SEPTIN7: variants seen among roughly 807,000 people sequenced by gnomAD.
The protein encoded by SEPTIN7 is septin 7.
In SEPTIN7, 10 loss-of-function variants were observed where a neutral mutation model predicts 63.3. The ratio of observed to expected loss-of-function variants is 0.16; its 90% confidence interval spans 0.10 to 0.27. SEPTIN7 has a LOEUF of 0.27. Ranked by LOEUF, SEPTIN7 falls within the 10% of genes least tolerant of loss-of-function variation. SEPTIN7 has a pLI of 1.00. For synonymous variants in SEPTIN7, 131 were observed against 165.3 expected (o/e 0.79, Z 1.59); for missense variants, 310 against 521.0 (o/e 0.59, Z 3.94).
the SEPTIN7 span, among the ~76,000 whole-genome samples, chr7:35,912,273 C>T: frequency 6.6e-6 from 1 of 152,228 alleles, no homozygotes; most frequent in African/African-American, 2.4e-5. Flanking sequence ...ACCTGGCCTG[C>T]CCAGGGCAGA....
chr7:35,819,023 T>C (rs1433153387), intron 1 of SEPTIN7, among the ~76,000 whole-genome samples: 2 of 152,106 alleles, frequency 1.3e-5, no homozygotes, highest in South Asian at 2.1e-4. Flanking sequence ...GTTTATTCTT[T>C]TTCTAGTTTC....
At chr7:35,871,763 T>C (rs1283974698) in intron 4 of SEPTIN7, among the ~76,000 whole-genome samples, 1 of 152,214 alleles carries the variant, frequency 6.6e-6, no homozygotes, top group Non-Finnish European at 1.5e-5. Flanking sequence ...GGACTTGTTA[T>C]CCTTATTAAA....
At chr7:35,861,031 G>A (rs1276168606) in intron 3 of SEPTIN7, among the ~76,000 whole-genome samples, 1 of 151,892 alleles carries the variant, frequency 6.6e-6, no homozygotes, top group African/African-American at 2.4e-5. Flanking sequence ...TTTCTGCTCA[G>A]ATTTGATAAT....
Position 35,872,971 on chromosome 7 carries a change from G to A in SEPTIN7, c.377+205G>A, listed in dbSNP as rs1786246040. On this transcript the variant is annotated intron_variant, in intron 5 of 13. Coordinates refer to ENST00000350320, the MANE Select transcript of SEPTIN7 (RefSeq NM_001788.6). ...GAACCCATTTACTTTTCTATAAAAT[G>A]GAGATAATACCTATCATAAAATTGT... is the stretch of plus-strand genomic sequence containing the variant. Among the ~76,000 whole-genome samples, 5 of 152,104 alleles carry A rather than the reference G, an allele frequency of 3.3e-5. No homozygotes were observed. The South Asian group carries it at 1.0e-3, about 32-fold the overall frequency.
At chr7:35,847,113 G>T in intron 3 of SEPTIN7, 1 of 185,258 alleles carries the variant, frequency 5.4e-6, no homozygotes, top group South Asian at 1.3e-4. Context: ...CTGCAGCTGT[G>T]ACACATAGAA....
intron 3 of SEPTIN7, among the ~76,000 whole-genome samples, chr7:35,840,106 T>G (rs1054555477): frequency 6.6e-6 from 1 of 151,418 alleles, no homozygotes; most frequent in Non-Finnish European, 1.5e-5. Flanking sequence ...CTTTTCCTTT[T>G]TCTTTTTTTA....
chr7:35,865,857 T>G (rs1375254416), intron 4 of SEPTIN7, among the ~76,000 whole-genome samples: 1 of 152,236 alleles, frequency 6.6e-6, no homozygotes, highest in African/African-American at 2.4e-5. Context: ...TGCCCTCAAT[T>G]TATTAGAATT....
Position 35,807,220 on chromosome 7 carries a change from T to C in SEPTIN7, c.61+5950T>C, listed in dbSNP as rs1464575089. 2.6e-5 allele frequency among the ~76,000 whole-genome samples: 4 copies of C among 151,974 alleles called. No individual in the cohort carries two copies. The East Asian group carries it at 5.8e-4, about 22-fold the overall frequency. On this transcript the variant is annotated intron_variant, in intron 1 of 13. Transcript: ENST00000350320. ...TTTTTTTGAAACGGAGTTTCGCTCT[T>C]GTTGCCCAGGCTGGAGTGCAATGGC...
At chr7:35,816,645 A>G (rs1344042291) in intron 1 of SEPTIN7, among the ~76,000 whole-genome samples, 3 of 152,170 alleles carry the variant, frequency 2.0e-5, no homozygotes, top group Non-Finnish European at 4.4e-5. Context: ...TAACTCTATG[A>G]AGAACTGCCT....
intron 4 of SEPTIN7, among the ~76,000 whole-genome samples, chr7:35,864,973 T>C (rs1785724780): frequency 6.6e-6 from 1 of 152,134 alleles, no homozygotes; most frequent in Non-Finnish European, 1.5e-5. Context: ...AAAGGAGTAA[T>C]TTTGTGAAGT....
intron 1 of SEPTIN7, among the ~76,000 whole-genome samples, chr7:35,806,922 A>C (rs1023506273): frequency 1.3e-5 from 2 of 152,212 alleles, no homozygotes; most frequent in African/African-American, 4.8e-5. Context: ...TAGGCCTGGG[A>C]TGGGGCCCTG....
chr7:35,896,507 A>G (rs1787968918), intron 11 of SEPTIN7, among the ~76,000 whole-genome samples: 1 of 152,182 alleles, frequency 6.6e-6, no homozygotes, highest in Non-Finnish European at 1.5e-5. Flanking sequence ...CACATTTGGT[A>G]TGCTGTTTCA....
Position 35,815,182 on chromosome 7 carries a change from C to T in SEPTIN7, c.61+13912C>T, listed in dbSNP as rs748062851. ...ACTTTCTAGTTCATCTTGTATTTTT[C>T]GTGCCTAAGCCTTGGAATCAACCAT... is the stretch of plus-strand genomic sequence containing the variant. On this transcript the variant is annotated intron_variant, in intron 1 of 13. Transcript: ENST00000350320. 8 of 443,498 alleles carry T rather than the reference C, an allele frequency of 1.8e-5. No individual in the cohort carries two copies. The East Asian group carries it at 3.7e-4, about 21-fold the overall frequency. 27.5% of individuals were successfully genotyped at this position (443,498 alleles called of 1,614,324 possible).
At chr7:35,801,442 G>C (rs1348735752) in intron 1 of SEPTIN7, among the ~76,000 whole-genome samples, 172 bp downstream of exon 1, 1 of 151,908 alleles carries the variant, frequency 6.6e-6, no homozygotes, top group Non-Finnish European at 1.5e-5. Flanking sequence ...GCGGGCTCGG[G>C]GGGAGGGGAG....
Position 35,891,291 on chromosome 7 carries a change from C to T in SEPTIN7, c.998+498C>T, listed in dbSNP as rs563131521. On this transcript the variant is annotated intron_variant, in intron 11 of 13. Transcript: ENST00000350320. Reference sequence around the variant, plus strand: ...CTGTCATTATTGAAAATCATAATTACATCATATGTCACTTAACAGTGGGGA... The same window carrying T: ...CTGTCATTATTGAAAATCATAATTATATCATATGTCACTTAACAGTGGGGA... Among the ~76,000 whole-genome samples, 301 of 152,258 alleles carry T rather than the reference C, an allele frequency of 2.0e-3. 1 individual carries two copies. Among genetic ancestry groups the T allele is most frequent in the African/African-American group, 6.9e-3 (288 of 41,556 alleles).
chr7:35,890,266 CAT>C (rs1303529800), intron 10 of SEPTIN7, among the ~76,000 whole-genome samples: 6 of 152,098 alleles, frequency 3.9e-5, no homozygotes, highest in African/African-American at 1.2e-4. Flanking sequence ...AATAAAAACT[CAT>C]ATATTACCTT....
At chr7:35,915,693 G>T in the SEPTIN7 span, among the ~76,000 whole-genome samples, 2 of 152,146 alleles carry the variant, frequency 1.3e-5, no homozygotes, top group African/African-American at 4.8e-5. Flanking sequence ...CCGCAAACAG[G>T]CCTTGTTCCT....
intron 1 of SEPTIN7, chr7:35,811,948 T>C: frequency 6.0e-6 from 1 of 167,910 alleles, no homozygotes; most frequent in South Asian, 9.5e-5. Flanking sequence ...CTTGAACGTT[T>C]CAAAAATAAA....
chr7:35,900,633 TTA>T, intron 12 of SEPTIN7: 1 of 152,332 alleles, frequency 6.6e-6, no homozygotes, highest in East Asian at 1.9e-4. Context: ...ATCTCCACAC[TTA>T]GATTCCATTG....
Sources: allele counts gnomAD v4.1 joint callset (sites outside exome capture counted in the v4.1 genomes callset), GRCh38; gene constraint gnomAD v4.1.1; transcripts MANE v1.5; gene names NCBI Gene and HGNC (gene_info 2026-07-23, HGNC 2026-07-21).